The following NT5DC1 variants were observed in gnomAD, a reference collection of about 807,000 sequenced individuals.
NT5DC1 encodes 5'-nucleotidase domain-containing protein 1.
In NT5DC1, 42 loss-of-function variants were observed where a neutral mutation model predicts 59.4. The observed-to-expected ratio is 0.71, with a 90% confidence interval of 0.55 to 0.92. The LOEUF (loss-of-function observed/expected upper bound fraction) is 0.92, where lower values mean the gene tolerates loss of function less well. Ranked by LOEUF, NT5DC1 falls within the 40% of genes least tolerant of loss-of-function variation. The pLI is 0.00. For missense variants in NT5DC1, 501 were observed against 537.1 expected, an observed-to-expected ratio of 0.93 and a Z score of 0.66; for synonymous variants, 172 against 188.1, an observed-to-expected ratio of 0.91 and a Z score of 0.70.
chr6:116,216,914 A>C (rs1025796557), intron 6 of NT5DC1, among the ~76,000 whole-genome samples: 32 of 152,134 alleles, frequency 2.1e-4, no homozygotes, highest in Admixed American at 1.8e-3. Flanking sequence ...ATAACTTGTA[A>C]AGGTTGTAAA....
At chr6:116,102,220 C>T (rs1195664320) in intron 1 of NT5DC1, among the ~76,000 whole-genome samples, 2 of 144,976 alleles carry the variant, frequency 1.4e-5, no homozygotes, top group Non-Finnish European at 2.9e-5. Context: ...TATGGGCACC[C>T]GCCAGTTCCT....
At position 116,159,415 on chromosome 6, in the gene NT5DC1, A is replaced by G. The variant is rs148768378; in HGVS notation, c.529+41470A>G. 2.0e-5 allele frequency among the ~76,000 whole-genome samples: 3 copies of G among 152,144 alleles called. No individual in the cohort carries two copies. The East Asian group carries it at 5.8e-4, about 29-fold the overall frequency. ...TTACACATGTGATTATTCATTTTCT[A>G]CCCATTCCTTTGTTCTTTATTGCCT... On this transcript the variant is annotated intron_variant, in intron 6 of 11. Transcript: ENST00000319550.
chr6:116,183,095 T>C (rs963588959), intron 6 of NT5DC1, among the ~76,000 whole-genome samples: 1 of 152,168 alleles, frequency 6.6e-6, no homozygotes, highest in Non-Finnish European at 1.5e-5. Context: ...TACATGTGGC[T>C]TGTCAGTTGT....
rs1170500016 is a variant in NT5DC1, at chr6:116,219,961, C to CAA, written c.530-1071_530-1070dup. ...TTGGTGACAGAGTGAGACTCTGTCT[C>CAA]AAAAAAAAAAAAAAAAAAAAAAACA... is the stretch of plus-strand genomic sequence containing the variant. On this transcript the variant is annotated intron_variant, in intron 6 of 11. Transcript: ENST00000319550. 5.2e-3 allele frequency among the ~76,000 whole-genome samples: 185 copies of CAA among 35,620 alleles called. 6 individuals are homozygous for CAA. The highest frequency in any genetic ancestry group is 0.014 in the Middle Eastern group (1 of 70). 23.4% of individuals were successfully genotyped at this position (35,620 alleles called of 152,430 possible). A position where few individuals can be genotyped will look rare whatever the true frequency, so the allele number is the denominator to read the frequency against.
rs1365369334 is a variant in NT5DC1 at position 116,248,513 on chromosome 6, T to TA, written c.*4492dup. 1 of 152,232 alleles carries TA rather than the reference T, an allele frequency of 6.6e-6. No individual in the cohort carries two copies. The highest frequency in any genetic ancestry group is 1.5e-5 in the Non-Finnish European group (1 of 68,052). 9.4% of individuals were successfully genotyped at this position (152,232 alleles called of 1,614,324 possible). A position where few individuals can be genotyped will look rare whatever the true frequency, so the allele number is the denominator to read the frequency against. On this transcript the variant is annotated 3_prime_UTR_variant, in exon 12 of 12. Transcript: ENST00000319550. ...TTAAGGACGTTGAGTTAACTGGAGATAAAGCAGCAGCACGAGGAGTAATGG... is the reference window on the plus strand; with the variant it reads ...TTAAGGACGTTGAGTTAACTGGAGATAAAAGCAGCAGCACGAGGAGTAATGG...
chr6:116,129,974 A>C (rs543042289), intron 6 of NT5DC1, among the ~76,000 whole-genome samples: 1 of 152,134 alleles, frequency 6.6e-6, no homozygotes, highest in Non-Finnish European at 1.5e-5. Context: ...AGAACCCTTT[A>C]CAGAGAGTGG....
At chr6:116,237,705 T>C in intron 9 of NT5DC1, 1 of 320,524 alleles carries the variant, frequency 3.1e-6, no homozygotes, top group Non-Finnish European at 6.2e-6. Context: ...ACTTTCCAGA[T>C]TCAACATGCC....
intron 8 of NT5DC1, among the ~76,000 whole-genome samples, chr6:116,228,940 T>C (rs774319266): frequency 6.6e-6 from 1 of 152,208 alleles, no homozygotes; most frequent in Non-Finnish European, 1.5e-5. Context: ...ATCATCTATA[T>C]ACTGATGGTT....
chr6:116,118,581 CA>C (rs1399874446), intron 6 of NT5DC1, among the ~76,000 whole-genome samples: 3 of 151,766 alleles, frequency 2.0e-5, no homozygotes, highest in Non-Finnish European at 1.5e-5. Context: ...TTGTGATTGA[CA>C]AAAAAATTGC....
At chr6:116,173,677 A>C (rs2114457172) in intron 6 of NT5DC1, among the ~76,000 whole-genome samples, 1 of 152,142 alleles carries the variant, frequency 6.6e-6, no homozygotes, top group South Asian at 2.1e-4. Context: ...TAATTTATTT[A>C]TTTATTTTTT....
chr6:116,109,586 C>A (rs536809662), intron 3 of NT5DC1, among the ~76,000 whole-genome samples: 38 of 152,282 alleles, frequency 2.5e-4, no homozygotes, highest in African/African-American at 8.7e-4. Flanking sequence ...CCTGGCTAAC[C>A]TTTAGTTTCT....
rs143060279 is a variant in NT5DC1, at chr6:116,172,646, A to G, written c.530-48408A>G. Among the ~76,000 whole-genome samples the G allele has an allele frequency of 3.0e-3, 455 of 152,258 alleles. 2 individuals are homozygous for G. Among genetic ancestry groups the G allele is most frequent in the African/African-American group, 0.01 (428 of 41,556 alleles). On this transcript the variant is annotated intron_variant, in intron 6 of 11. Coordinates refer to ENST00000319550, the MANE Select transcript of NT5DC1 (RefSeq NM_152729.3). ...CACCTTAGTAACATATATACTTTGTAAGGAAATTGTTTATGTTTTCTCTGT... is the reference window on the plus strand; with the variant it reads ...CACCTTAGTAACATATATACTTTGTGAGGAAATTGTTTATGTTTTCTCTGT...
chr6:116,120,184 G>A (rs1476486926), intron 6 of NT5DC1: 1 of 1,614,114 alleles, frequency 6.2e-7, no homozygotes, highest in Admixed American at 1.7e-5. Context: ...CATTTTCTGT[G>A]AGATCGATGA....
chr6:116,241,397 C>T (rs887599893), intron 11 of NT5DC1, among the ~76,000 whole-genome samples: 9 of 151,964 alleles, frequency 5.9e-5, no homozygotes, highest in Non-Finnish European at 1.2e-4. Flanking sequence ...AATTAAAATG[C>T]CTGACAGTAA....
chr6:116,175,210 A>T (rs1780706966), intron 6 of NT5DC1, among the ~76,000 whole-genome samples: 1 of 152,150 alleles, frequency 6.6e-6, no homozygotes, highest in Non-Finnish European at 1.5e-5. Flanking sequence ...CATTTCCAGG[A>T]AGTTTCTTTG....
chr6:116,210,563 G>A (rs1265247264), intron 6 of NT5DC1, among the ~76,000 whole-genome samples: 3 of 151,806 alleles, frequency 2.0e-5, no homozygotes, highest in African/African-American at 7.3e-5. Context: ...GTTGCAAAAC[G>A]GGAATCATAT....
At chr6:116,176,302 A>G (rs937354501) in intron 6 of NT5DC1, among the ~76,000 whole-genome samples, 1 of 151,822 alleles carries the variant, frequency 6.6e-6, no homozygotes, top group African/African-American at 2.4e-5. Context: ...ATAGCACCAC[A>G]CTCTTGCTCT....
intron 6 of NT5DC1, among the ~76,000 whole-genome samples, chr6:116,187,052 G>A (rs953002862): frequency 6.6e-6 from 1 of 151,982 alleles, no homozygotes; most frequent in Non-Finnish European, 1.5e-5. Context: ...TGTCCCACAG[G>A]GTGCTCCCTT....
chr6:116,115,772 T>G lies in NT5DC1; in HGVS notation c.444+2T>G. The G allele has an allele frequency of 6.7e-7, 1 of 1,502,900 alleles. No individual in the cohort carries two copies. Among genetic ancestry groups the G allele is most frequent in the Non-Finnish European group, 9.3e-7 (1 of 1,079,092 alleles). The allele number at this position is 1,502,900 out of a possible 1,614,324, so 93.1% of individuals were successfully genotyped here. On this transcript the variant is annotated splice_donor_variant, in intron 5 of 11. Coordinates refer to ENST00000319550, the MANE Select transcript of NT5DC1 (RefSeq NM_152729.3). LOFTEE classifies it high-confidence loss of function. Reference sequence around the variant, plus strand: ...AGGGTGGTGGACTATTTAACAAAAGTAAGTGGGGACTCATTTTTTAAAACT... The same window carrying G: ...AGGGTGGTGGACTATTTAACAAAAGGAAGTGGGGACTCATTTTTTAAAACT...
Sources: gnomAD v4.1 joint callset for allele counts (sites outside exome capture counted in the v4.1 genomes callset) on GRCh38, gnomAD v4.1.1 for gene constraint, MANE v1.5 for transcripts, NCBI Gene and HGNC (gene_info 2026-07-23, HGNC 2026-07-21) for gene names.